Variants in FRMD6 observed in about 807,000 individuals in gnomAD.
The protein encoded by FRMD6 is FERM domain-containing protein 6.
Under a neutral mutation model 73.2 loss-of-function variants are expected in FRMD6, and 37 were observed. That is an observed-to-expected ratio of 0.51 (90% CI 0.39 to 0.66). The LOEUF is 0.66. FRMD6 is among the 30% of genes least tolerant of loss of function. The pLI is 0.00. For synonymous variants in FRMD6, 273 were observed against 282.2 expected, an observed-to-expected ratio of 0.97 and a Z score of 0.33; for missense variants, 714 against 780.5, an observed-to-expected ratio of 0.91 and a Z score of 1.02.
intron 2 of FRMD6, among the ~76,000 whole-genome samples, chr14:51,697,361 C>G (rs951289653): frequency 6.6e-6 from 1 of 151,978 alleles, no homozygotes; most frequent in African/African-American, 2.4e-5. Context: ...ATGTCATTTG[C>G]AATAACGGAT....
intron 1 of FRMD6, among the ~76,000 whole-genome samples, chr14:51,549,763 T>C (rs961672598): frequency 4.0e-5 from 6 of 151,732 alleles, no homozygotes; most frequent in African/African-American, 1.2e-4. Context: ...GCCCGGCTAG[T>C]TTTTTGTATT....
intron 1 of FRMD6, among the ~76,000 whole-genome samples, chr14:51,656,673 A>G (rs2140131527): frequency 6.6e-6 from 1 of 152,256 alleles, no homozygotes; most frequent in African/African-American, 2.4e-5. Context: ...CGGCCTCCCA[A>G]AGTGCTGAGA....
upstream of FRMD6, among the ~76,000 whole-genome samples, chr14:51,486,277 G>A (rs965687176): frequency 1.3e-5 from 2 of 151,772 alleles, no homozygotes; most frequent in Non-Finnish European, 2.9e-5. Flanking sequence ...CTGTTGATCC[G>A]CCCTCCTCGG....
intron 1 of FRMD6, among the ~76,000 whole-genome samples, chr14:51,570,063 C>T (rs1264709878): frequency 6.6e-6 from 1 of 152,052 alleles, no homozygotes; most frequent in Non-Finnish European, 1.5e-5. Flanking sequence ...GATCTGCCCA[C>T]CTTGGCCTCC....
intron 2 of FRMD6, among the ~76,000 whole-genome samples, chr14:51,593,237 C>T (rs919092817): frequency 4.6e-5 from 7 of 152,158 alleles, no homozygotes. Context: ...ACTGCCCCAG[C>T]GAACAGCTCC....
intron 2 of FRMD6, among the ~76,000 whole-genome samples, chr14:51,602,015 G>A (rs535651505): frequency 6.6e-6 from 1 of 152,066 alleles, no homozygotes; most frequent in South Asian, 2.1e-4. Flanking sequence ...GAAGAGCTGG[G>A]TATCCAGCCA....
At chr14:51,537,129 A>G (rs1885943599) in intron 1 of FRMD6, among the ~76,000 whole-genome samples, 1 of 152,238 alleles carries the variant, frequency 6.6e-6, no homozygotes, top group Admixed American at 6.5e-5. Context: ...CCATTGTAGT[A>G]TCATACAGAA....
the FRMD6 span, among the ~76,000 whole-genome samples, chr14:51,466,109 C>T: frequency 7.2e-5 from 11 of 151,892 alleles, no homozygotes; most frequent in African/African-American, 1.2e-4. Flanking sequence ...ATGAAGTGTT[C>T]GAATACTTTA....
chr14:51,514,900 T>A (rs1040117230), intron 1 of FRMD6, among the ~76,000 whole-genome samples: 3 of 152,158 alleles, frequency 2.0e-5, no homozygotes, highest in African/African-American at 7.2e-5. Context: ...GGAAGCAATA[T>A]GCGATGCAAA....
intron 11 of FRMD6, among the ~76,000 whole-genome samples, chr14:51,720,813 T>G (rs964904937): frequency 1.3e-5 from 2 of 152,136 alleles, no homozygotes; most frequent in Non-Finnish European, 2.9e-5. Context: ...TTGAGTTACT[T>G]AGTAATGTTT....
intron 1 of FRMD6, among the ~76,000 whole-genome samples, chr14:51,534,487 A>G (rs925603236): frequency 3.9e-5 from 6 of 152,176 alleles, no homozygotes; most frequent in Admixed American, 2.6e-4. Flanking sequence ...TTTTCCTTTT[A>G]AAACATTCTT....
chr14:51,434,211 A>G, the FRMD6 span, among the ~76,000 whole-genome samples: 1 of 152,184 alleles, frequency 6.6e-6, no homozygotes, highest in Non-Finnish European at 1.5e-5. Flanking sequence ...ATGTAGATGT[A>G]TATATACATA....
At chr14:51,443,122 C>A in the FRMD6 span, among the ~76,000 whole-genome samples, 1 of 152,222 alleles carries the variant, frequency 6.6e-6, no homozygotes, top group African/African-American at 2.4e-5. Flanking sequence ...CCACTACTGG[C>A]TCAGGACACA....
chr14:51,403,950 G>A, the FRMD6 span, among the ~76,000 whole-genome samples: 3 of 152,088 alleles, frequency 2.0e-5, no homozygotes, highest in Admixed American at 2.0e-4. Flanking sequence ...GAACTTACAG[G>A]ACTTGTGAAT....
the FRMD6 span, among the ~76,000 whole-genome samples, chr14:51,439,920 AT>A: frequency 7.3e-5 from 11 of 151,478 alleles, no homozygotes; most frequent in South Asian, 2.1e-4. Context: ...GTAATTTTGT[AT>A]TTTTTTTTAA....
chr14:51,553,831 A>C (rs1261421240), intron 1 of FRMD6, among the ~76,000 whole-genome samples: 2 of 152,158 alleles, frequency 1.3e-5, no homozygotes, highest in Non-Finnish European at 2.9e-5. Context: ...GCAGGCTGTG[A>C]ATTTAGTAGG....
intron 12 of FRMD6, among the ~76,000 whole-genome samples, chr14:51,723,868 A>G (rs1393027648): frequency 6.6e-6 from 1 of 152,158 alleles, no homozygotes; most frequent in Non-Finnish European, 1.5e-5. Flanking sequence ...AACAATATTT[A>G]ATAACATAAG....
intron 1 of FRMD6, among the ~76,000 whole-genome samples, chr14:51,672,968 C>G (rs1358029596): frequency 6.6e-6 from 1 of 152,096 alleles, no homozygotes; most frequent in African/African-American, 2.4e-5. Flanking sequence ...AAGTAAGTTA[C>G]TTGGGCTTTA....
At chr14:51,547,902 A>AT (rs1555374499) in intron 1 of FRMD6, 1 of 151,814 alleles carries the variant, frequency 6.6e-6, no homozygotes, top group Non-Finnish European at 1.5e-5. Flanking sequence ...AAAAAAAAAA[A>AT]CTATCTTGGG....
Sources: allele counts gnomAD v4.1 joint callset (sites outside exome capture counted in the v4.1 genomes callset), GRCh38; gene constraint gnomAD v4.1.1; transcripts MANE v1.5; gene names NCBI Gene and HGNC (gene_info 2026-07-23, HGNC 2026-07-21).